The following CACNA1B variants were observed in gnomAD, a reference collection of about 807,000 sequenced individuals.
CACNA1B encodes the protein voltage-dependent N-type calcium channel subunit alpha-1B.
Under a neutral mutation model 247.2 loss-of-function variants are expected in CACNA1B, and 70 were observed. The observed-to-expected ratio is 0.28, with a 90% confidence interval of 0.23 to 0.35. The LOEUF (loss-of-function observed/expected upper bound fraction) is 0.35. Ranked by LOEUF, CACNA1B falls within the 10% of genes least tolerant of loss-of-function variation. The pLI is 1.00. For synonymous variants in CACNA1B, 1,231 were observed against 1,294.4 expected, an observed-to-expected ratio of 0.95 and a Z score of 1.05; for missense variants, 2,367 against 3,197.4, an observed-to-expected ratio of 0.74 and a Z score of 6.26.
In CACNA1B at chr9:137,919,333, C is replaced by T. The variant is rs1957450834; in HGVS notation, c.966+1902C>T. 6.6e-6 allele frequency among the ~76,000 whole-genome samples: 1 copy of T among 152,234 alleles called. No individual in the cohort carries two copies. ...AAAACAGAAGAGGTTGAGGAGCAGG[C>T]AGTGACGAGGTACAGGGTACTGGGA... On this transcript the variant is annotated intron_variant, in intron 6 of 46. Coordinates refer to ENST00000371372, the MANE Select transcript of CACNA1B (RefSeq NM_000718.4). This position sits in a 1 kb window ranked among gnomAD's most constrained non-coding sequence, Gnocchi z 4.6.
chr9:138,099,336 T>A (rs1011466273), intron 37 of CACNA1B, among the ~76,000 whole-genome samples: 1 of 152,260 alleles, frequency 6.6e-6, no homozygotes, highest in African/African-American at 2.4e-5. Context: ...TGATTGTATA[T>A]ATGTGTGCCT....
In CACNA1B at chr9:138,023,570, C is replaced by A. The variant is rs986733832; in HGVS notation, c.2827C>A (p.Pro943Thr). The A allele has an allele frequency of 4.6e-6, 5 of 1,092,194 alleles. No homozygotes were observed. The highest frequency in any genetic ancestry group is 3.0e-5 in the South Asian group (1 of 33,034). 67.7% of individuals were successfully genotyped at this position (1,092,194 alleles called of 1,614,324 possible). The stretch of plus-strand genomic sequence containing the variant: ...CCACCGCGCGCACCGGCACCAGGAT[C>A]CGAGCAAGGAGTGCGCCGGCGCCAA... Reference protein sequence around the residue: ...RRHRAHRHQDPSKECAGAKGE... With the variant: ...RRHRAHRHQDTSKECAGAKGE... The change falls in exon 19 of 47, where the codon CCG becomes ACG. Residue 943 changes from proline (P) to threonine (T), a missense_variant. This residue lies in a region of CACNA1B where 631 missense variants were observed against 631.1 expected (regional missense o/e 1.00). Coordinates refer to ENST00000371372, the MANE Select transcript of CACNA1B (RefSeq NM_000718.4).
chr9:137,957,606 A>C lies in CACNA1B; in HGVS notation c.1252A>C (p.Arg418=). The C allele has an allele frequency of 6.3e-7, 1 of 1,594,110 alleles. No individual in the cohort carries two copies. The highest frequency in any genetic ancestry group is 8.5e-7 in the Non-Finnish European group (1 of 1,170,776). The part of the protein sequence containing the change: ...EEKSPLDVLK[R]AATKKSRNDL... ...TCCTTTGTTTAAAGCAGTGCTGAAGAGAGCGGCCACCAAGAAGAGCAGAAA... is the reference window on the plus strand; with the variant it reads ...TCCTTTGTTTAAAGCAGTGCTGAAGCGAGCGGCCACCAAGAAGAGCAGAAA... Residue 418 remains arginine, a synonymous_variant, in exon 10 of 47, where the codon AGA becomes CGA. Transcript: ENST00000371372. The surrounding 1 kb of genome is among the most constrained non-coding windows in gnomAD (Gnocchi z 4.7).
chr9:137,984,282 G>A lies in CACNA1B; in HGVS notation c.1769+32G>A, dbSNP rs185959074. 21 of 1,484,544 alleles carry A rather than the reference G, an allele frequency of 1.4e-5. No homozygotes were observed. In the Admixed American group the frequency reaches 2.5e-4, roughly 18 times the overall value. 92.0% of individuals were successfully genotyped at this position (1,484,544 alleles called of 1,614,324 possible). A position where few individuals can be genotyped will look rare whatever the true frequency, so the allele number is the denominator to read the frequency against. The stretch of plus-strand genomic sequence containing the variant: ...CCCCTGCGCTCCCAGGCGAGGGCAG[G>A]TGTAGGGTGGAGAGGGCGTGGGATC... On this transcript the variant is annotated intron_variant, in intron 13 of 46. Coordinates refer to ENST00000371372, the MANE Select transcript of CACNA1B (RefSeq NM_000718.4).
In CACNA1B at chr9:138,036,225, C is replaced by T. The variant is rs539048006; in HGVS notation, c.3287-7549C>T. Among the ~76,000 whole-genome samples, 60 of 152,254 alleles carry T rather than the reference C, an allele frequency of 3.9e-4. 1 individual carries two copies. In the South Asian group the frequency reaches 0.012, roughly 31 times the overall value. Reference sequence around the variant, plus strand: ...CGCAATCTTGGCTCACTGCAACCTCCGCCTCCTGAGTTCATGCCATTCTCC... The same window carrying T: ...CGCAATCTTGGCTCACTGCAACCTCTGCCTCCTGAGTTCATGCCATTCTCC... On this transcript the variant is annotated intron_variant, in intron 20 of 46. Transcript: ENST00000371372.
chr9:138,049,087 T>C (rs1959209128), intron 23 of CACNA1B, 122 bp from the exon 24 acceptor site: 3 of 718,332 alleles, frequency 4.2e-6, no homozygotes, highest in Admixed American at 4.1e-5. Context: ...ACTCCCGGGC[T>C]TAAGCAGTCT....
At chr9:137,916,039 T>C (rs1250181776) in intron 5 of CACNA1B, among the ~76,000 whole-genome samples, 1 of 150,516 alleles carries the variant, frequency 6.6e-6, no homozygotes, top group African/African-American at 2.4e-5. Flanking sequence ...AATTTTTTTT[T>C]TTTTTTTTTT....
In CACNA1B at chr9:138,059,253, C is replaced by A; in HGVS notation, c.4584+64C>A. On this transcript the variant is annotated intron_variant, in intron 30 of 46. Coordinates refer to ENST00000371372, the MANE Select transcript of CACNA1B (RefSeq NM_000718.4). This position sits in a 1 kb window ranked among gnomAD's most constrained non-coding sequence, Gnocchi z 4.2. ...ATATTCTGGTTCCCCATCTGTAGGGCGACCTTTGGGGGCTCACAATTTGGA... is the reference window on the plus strand; with the variant it reads ...ATATTCTGGTTCCCCATCTGTAGGGAGACCTTTGGGGGCTCACAATTTGGA... The A allele has an allele frequency of 2.1e-6, 2 of 931,496 alleles. No homozygotes were observed. The highest frequency in any genetic ancestry group is 3.5e-6 in the Non-Finnish European group (2 of 576,390). 57.7% of individuals were successfully genotyped at this position (931,496 alleles called of 1,614,324 possible). A position where few individuals can be genotyped will look rare whatever the true frequency, so the allele number is the denominator to read the frequency against.
intron 20 of CACNA1B, among the ~76,000 whole-genome samples, chr9:138,039,838 T>C (rs975037072): frequency 6.6e-6 from 1 of 152,202 alleles, no homozygotes; most frequent in Non-Finnish European, 1.5e-5. Flanking sequence ...CTCTGAGTTT[T>C]TTATATTTGT....
At chr9:137,987,284 C>A (rs942584378) in intron 15 of CACNA1B, among the ~76,000 whole-genome samples, 6 of 151,356 alleles carry the variant, frequency 4.0e-5, no homozygotes, top group Admixed American at 6.6e-5. Flanking sequence ...TGGAAAACTA[C>A]CCCCCTCAGC....
chr9:138,083,797 C>A (rs541456722), intron 36 of CACNA1B, among the ~76,000 whole-genome samples: 3 of 150,324 alleles, frequency 2.0e-5, no homozygotes, highest in Non-Finnish European at 4.4e-5. Context: ...CCCTGCCTCC[C>A]CAGGGCTCAA....
chr9:138,098,233 G>T (rs749157867), intron 37 of CACNA1B, among the ~76,000 whole-genome samples: 2 of 152,202 alleles, frequency 1.3e-5, no homozygotes, highest in African/African-American at 2.4e-5. Context: ...CTTCATGCTG[G>T]GAGGGACAGG....
intron 36 of CACNA1B, among the ~76,000 whole-genome samples, chr9:138,087,551 C>T (rs1198665774): frequency 7.0e-6 from 1 of 142,902 alleles, no homozygotes; most frequent in African/African-American, 2.7e-5. Context: ...CCCGTCTCTA[C>T]TAAAAATACA....
intron 6 of CACNA1B, among the ~76,000 whole-genome samples, chr9:137,931,238 C>T (rs62589638): frequency 9.9e-5 from 15 of 151,586 alleles, no homozygotes; most frequent in South Asian, 2.1e-4. Context: ...ATCGGGCTCG[C>T]GTAAACGGCT....
intron 15 of CACNA1B, among the ~76,000 whole-genome samples, chr9:137,988,515 C>T (rs1279801306): frequency 6.6e-6 from 1 of 152,076 alleles, no homozygotes; most frequent in Non-Finnish European, 1.5e-5. Context: ...CTTTTCTGAT[C>T]AGATGATGCT....
In CACNA1B at chr9:137,974,763, C is replaced by G. The variant is rs1039585903; in HGVS notation, c.1544-1144C>G. On this transcript the variant is annotated intron_variant, in intron 11 of 46. Transcript: ENST00000371372. The surrounding 1 kb of genome is among the most constrained non-coding windows in gnomAD (Gnocchi z 4.5). ...ATTCAGAAGCCCTGGGAAGGCCGAG[C>G]TGGACTCTGCCCAGTTGTGGACTCT... Among the ~76,000 whole-genome samples, 1 of 152,220 alleles carries G rather than the reference C, an allele frequency of 6.6e-6. No homozygotes were observed. The highest frequency in any genetic ancestry group is 1.5e-5 in the Non-Finnish European group (1 of 68,030).
At chr9:138,067,282 A>G (rs1355406296) in intron 31 of CACNA1B, among the ~76,000 whole-genome samples, 1 of 152,262 alleles carries the variant, frequency 6.6e-6, no homozygotes, top group African/African-American at 2.4e-5. Flanking sequence ...CTTATACATT[A>G]GGTTTCTACT....
chr9:138,040,239 A>G (rs1259228984), intron 20 of CACNA1B, among the ~76,000 whole-genome samples: 1 of 152,006 alleles, frequency 6.6e-6, no homozygotes, highest in Non-Finnish European at 1.5e-5. Context: ...CGCCTGGCCT[A>G]TATTTACTTA....
rs992037596 is a variant in CACNA1B at position 138,014,147 on chromosome 9, G to A, written c.2267+912G>A. 3.9e-5 allele frequency among the ~76,000 whole-genome samples: 6 copies of A among 152,226 alleles called. No homozygotes were observed. Among genetic ancestry groups the A allele is most frequent in the Non-Finnish European group, 7.3e-5 (5 of 68,042 alleles). ...TAAGCATGTTGGCATGTGGATGAGTGTGCTAGGTATGTGTGTGTGATGTGT... is the reference window on the plus strand; with the variant it reads ...TAAGCATGTTGGCATGTGGATGAGTATGCTAGGTATGTGTGTGTGATGTGT... On this transcript the variant is annotated intron_variant, in intron 18 of 46. Coordinates refer to ENST00000371372, the MANE Select transcript of CACNA1B (RefSeq NM_000718.4). The surrounding 1 kb of genome is among the most constrained non-coding windows in gnomAD (Gnocchi z 6.2).
Sources: gnomAD v4.1 joint callset for allele counts (sites outside exome capture counted in the v4.1 genomes callset) on GRCh38, gnomAD v4.1.1 for gene constraint, gnomAD v4.1.1 regional missense constraint, Gnocchi (gnomAD v3.1) non-coding constraint, MANE v1.5 for transcripts, NCBI Gene and HGNC (gene_info 2026-07-23, HGNC 2026-07-21) for gene names.